Variants in ADRA1B observed in about 807,000 individuals in gnomAD.
ADRA1B encodes the protein adrenoceptor alpha 1B.
A neutral mutation model predicts 17.9 loss-of-function variants in ADRA1B; 17 were observed. The observed-to-expected ratio is 0.95, with a 90% CI of 0.65 to 1.42. The LOEUF is 1.42. Among genes scored for constraint, ADRA1B ranks in the 40% most tolerant of loss-of-function variants. The pLI, the probability that ADRA1B is intolerant of heterozygous loss-of-function variation, is 0.00. For synonymous variants in ADRA1B, 366 were observed against 327.6 expected (o/e 1.12, Z -1.27); for missense variants, 681 against 722.1 (o/e 0.94, Z 0.65).
intron 1 of ADRA1B, among the ~76,000 whole-genome samples, chr5:159,965,190 G>A (rs947054125): frequency 1.3e-5 from 2 of 152,280 alleles, no homozygotes; most frequent in East Asian, 1.9e-4. Flanking sequence ...CCAGTTGAGT[G>A]ACCTTGAGTG....
chr5:159,894,995 T>C (rs1453790379), intron 1 of ADRA1B, among the ~76,000 whole-genome samples: 1 of 152,212 alleles, frequency 6.6e-6, no homozygotes, highest in African/African-American at 2.4e-5. Context: ...TGTTTTAATG[T>C]ATATAAATTT....
Position 159,972,467 on chromosome 5 carries a change from T to C in ADRA1B, c.1538T>C (p.Met513Thr), listed in dbSNP as rs895602932. The change falls in exon 2 of 2, where the codon ATG becomes ACG. Residue 513 changes from methionine (M) to threonine (T), a missense_variant. Coordinates refer to ENST00000306675, the MANE Select transcript of ADRA1B (RefSeq NM_000679.4). Reference protein sequence around the residue: ...ANGQPGFKSNMPLAPGQF With the variant: ...ANGQPGFKSNTPLAPGQF Reference sequence around the variant, plus strand: ...GGGCAGCCGGGCTTCAAAAGCAACATGCCCCTGGCGCCCGGGCAGTTTTAG... The same window carrying C: ...GGGCAGCCGGGCTTCAAAAGCAACACGCCCCTGGCGCCCGGGCAGTTTTAG... The C allele has an allele frequency of 3.2e-5, 44 of 1,386,348 alleles. No individual in the cohort carries two copies. Among genetic ancestry groups the C allele is most frequent in the Non-Finnish European group, 4.0e-5 (42 of 1,057,968 alleles). The allele number at this position is 1,386,348 out of a possible 1,614,324, so 85.9% of individuals were successfully genotyped here.
intron 1 of ADRA1B, among the ~76,000 whole-genome samples, chr5:159,886,795 G>C (rs1753930391): frequency 6.6e-6 from 1 of 152,040 alleles, no homozygotes; most frequent in Non-Finnish European, 1.5e-5. Flanking sequence ...TCTCAGTTCA[G>C]TTACTCGCCA....
At chr5:159,952,139 C>CT (rs1454172660) in intron 1 of ADRA1B, among the ~76,000 whole-genome samples, 1 of 152,074 alleles carries the variant, frequency 6.6e-6, no homozygotes, top group Non-Finnish European at 1.5e-5. Flanking sequence ...CTTAAATTGC[C>CT]TTTTGGTACA....
chr5:159,973,584 A>G (rs1174695781), downstream of ADRA1B, among the ~76,000 whole-genome samples: 1 of 152,198 alleles, frequency 6.6e-6, no homozygotes. Context: ...GTTTCTGGAT[A>G]AGATATGGAT....
chr5:159,959,676 C>A (rs370201441), intron 1 of ADRA1B, among the ~76,000 whole-genome samples: 2 of 152,084 alleles, frequency 1.3e-5, no homozygotes, highest in South Asian at 4.1e-4. Context: ...TTAAAAGTGA[C>A]ACAAAATTCC....
chr5:159,918,633 T>G (rs889259766), intron 1 of ADRA1B, among the ~76,000 whole-genome samples: 12 of 152,250 alleles, frequency 7.9e-5, no homozygotes, highest in African/African-American at 2.9e-4. Context: ...CCTGGTAAGA[T>G]GGAATTCAGT....
In ADRA1B at chr5:159,972,654, G is replaced by T; in HGVS notation, c.*162G>T. 1 of 853,612 alleles carries T rather than the reference G, an allele frequency of 1.2e-6. No individual in the cohort carries two copies. The allele number at this position is 853,612 out of a possible 1,614,324, so 52.9% of individuals were successfully genotyped here. On this transcript the variant is annotated 3_prime_UTR_variant, in exon 2 of 2. Coordinates refer to ENST00000306675, the MANE Select transcript of ADRA1B (RefSeq NM_000679.4). Reference sequence around the variant, plus strand: ...GAGGGGCAGCTGCTTTTCTGGCAGGGGCATGGGTGCCAGGTACCACGCGGA... The same window carrying T: ...GAGGGGCAGCTGCTTTTCTGGCAGGTGCATGGGTGCCAGGTACCACGCGGA...
chr5:159,872,192 C>G (rs1027404315), intron 1 of ADRA1B, among the ~76,000 whole-genome samples: 1 of 152,118 alleles, frequency 6.6e-6, no homozygotes, highest in Non-Finnish European at 1.5e-5. Context: ...GGCACTGGCT[C>G]GTCAACATTG....
chr5:159,920,184 C>A (rs1264692015), intron 1 of ADRA1B, among the ~76,000 whole-genome samples: 2 of 152,144 alleles, frequency 1.3e-5, no homozygotes, highest in Non-Finnish European at 2.9e-5. Context: ...ACAGACCAGG[C>A]TTTGAGAATC....
intron 1 of ADRA1B, among the ~76,000 whole-genome samples, chr5:159,924,505 G>A (rs1270018193): frequency 6.6e-6 from 1 of 152,198 alleles, no homozygotes; most frequent in African/African-American, 2.4e-5. Context: ...GGAGGGCTGG[G>A]TGAATGAGTT....
upstream of ADRA1B, chr5:159,916,193 C>CTATTAAAGGTA (rs1754297208): frequency 6.6e-6 from 1 of 152,326 alleles, no homozygotes; most frequent in Non-Finnish European, 1.5e-5. Flanking sequence ...AAGCAGCCCC[C>CTATTAAAGGTA]AACCCACCTT....
At chr5:159,930,001 C>T (rs1033000533) in intron 1 of ADRA1B, among the ~76,000 whole-genome samples, 23 of 152,306 alleles carry the variant, frequency 1.5e-4, no homozygotes, top group African/African-American at 5.3e-4. Flanking sequence ...GTGAAAGTTT[C>T]ATTTTTCACT....
chr5:159,880,689 T>C (rs1420251217), intron 1 of ADRA1B, among the ~76,000 whole-genome samples: 1 of 152,160 alleles, frequency 6.6e-6, no homozygotes, highest in Non-Finnish European at 1.5e-5. Context: ...TCTGCCCCCT[T>C]TTTATTTCTA....
chr5:159,986,261 A>G, the ADRA1B span, among the ~76,000 whole-genome samples: 4 of 152,138 alleles, frequency 2.6e-5, no homozygotes, highest in Non-Finnish European at 4.4e-5. Context: ...TGATCTTCTA[A>G]TCTTTAAAAT....
intron 1 of ADRA1B, among the ~76,000 whole-genome samples, chr5:159,884,413 G>T (rs752330903): frequency 8.5e-5 from 13 of 152,164 alleles, no homozygotes; most frequent in Non-Finnish European, 1.2e-4. Flanking sequence ...ATGGAAGCAG[G>T]TTCCTGATAA....
At chr5:159,925,779 T>G (rs1334156034) in intron 1 of ADRA1B, among the ~76,000 whole-genome samples, 1 of 152,232 alleles carries the variant, frequency 6.6e-6, no homozygotes, top group Non-Finnish European at 1.5e-5. Flanking sequence ...AAAACGTCCA[T>G]GGCCCCTGTA....
chr5:159,985,047 C>A, the ADRA1B span, among the ~76,000 whole-genome samples: 1 of 152,192 alleles, frequency 6.6e-6, no homozygotes, highest in African/African-American at 2.4e-5. Flanking sequence ...CCGACACTAC[C>A]CCCTCCCTCA....
intron 1 of ADRA1B, among the ~76,000 whole-genome samples, chr5:159,942,689 T>C (rs1219941140): frequency 1.3e-5 from 2 of 152,036 alleles, no homozygotes; most frequent in Non-Finnish European, 2.9e-5. Flanking sequence ...GAGAAACAAG[T>C]TTCAGAGCAT....
Sources: gnomAD v4.1 joint callset for allele counts (sites outside exome capture counted in the v4.1 genomes callset) on GRCh38, gnomAD v4.1.1 for gene constraint, MANE v1.5 for transcripts, NCBI Gene and HGNC (gene_info 2026-07-23, HGNC 2026-07-21) for gene names.